Variants in NEMP2 observed in about 807,000 individuals in gnomAD.
The protein encoded by NEMP2 is nuclear envelope integral membrane protein 2.
A neutral mutation model predicts 54.2 loss-of-function variants in NEMP2; 53 were observed. The ratio of observed to expected loss-of-function variants is 0.98; its 90% CI spans 0.78 to 1.23. The LOEUF is 1.23. Among genes scored for constraint, NEMP2 ranks in the 50% most tolerant of loss-of-function variants. The pLI, the probability that NEMP2 is intolerant of heterozygous loss-of-function variation, is 0.00. For synonymous variants in NEMP2, 197 were observed against 190.3 expected (o/e 1.04, Z -0.29); for missense variants, 455 against 511.3 (o/e 0.89, Z 1.06).
At chr2:190,464,504 A>G in the NEMP2 span, among the ~76,000 whole-genome samples, 2 of 152,106 alleles carry the variant, frequency 1.3e-5, no homozygotes, top group Non-Finnish European at 2.9e-5. Flanking sequence ...TCTTTCTTCA[A>G]AAATCCTTAG....
In NEMP2 at chr2:190,506,670, T is replaced by C. The variant is rs1339426225; in HGVS notation, c.*2519A>G. 1 of 152,222 alleles carries C rather than the reference T, an allele frequency of 6.6e-6. No individual in the cohort carries two copies. The highest frequency in any genetic ancestry group is 1.9e-4 in the East Asian group (1 of 5,204). The allele number at this position is 152,222 out of a possible 1,614,324, so 9.4% of individuals were successfully genotyped here. On this transcript the variant is annotated 3_prime_UTR_variant, in exon 9 of 9. Transcript: ENST00000409150. This position sits in a 1 kb window ranked among gnomAD's most constrained non-coding sequence, Gnocchi z 6.3. ...ATTTTTTGTGATATGTAAAATGTGT[T>C]TTAAAACCTTTTAAAAATAACACTT...
the NEMP2 span, among the ~76,000 whole-genome samples, chr2:190,450,514 CAG>C: frequency 4.7e-4 from 22 of 46,610 alleles, no homozygotes; most frequent in Admixed American, 1.3e-3. Flanking sequence ...TTTTTTGAGA[CAG>C]GGGTCTCACT....
the NEMP2 span, among the ~76,000 whole-genome samples, chr2:190,433,699 A>G: frequency 4.6e-5 from 7 of 152,186 alleles, no homozygotes; most frequent in African/African-American, 1.2e-4. This position sits in a 1 kb window ranked among gnomAD's most constrained non-coding sequence, Gnocchi z 4.5. Context: ...GCTTTTGGGG[A>G]TAACAGATAA....
upstream of NEMP2, among the ~76,000 whole-genome samples, chr2:190,535,530 A>G (rs1286540313): frequency 6.6e-6 from 1 of 152,230 alleles, no homozygotes; most frequent in East Asian, 1.9e-4. Flanking sequence ...TTGACTCAAT[A>G]TTCCATACTT....
At chr2:190,469,933 C>A in the NEMP2 span, 1 of 1,003,258 alleles carries the variant, frequency 1.0e-6, no homozygotes, top group Non-Finnish European at 1.5e-6. The surrounding 1 kb of genome is among the most constrained non-coding windows in gnomAD (Gnocchi z 5.3). Flanking sequence ...CCTTCAGCAT[C>A]TGATTCTATA....
rs1195841903 is a variant in NEMP2, at chr2:190,508,283, C to G, written c.*906G>C. ...TCTTCAGAAACATTTCCCTTTATCACAGTTAAATAGCAAGTTGGCCATTAT... is the reference window on the plus strand; with the variant it reads ...TCTTCAGAAACATTTCCCTTTATCAGAGTTAAATAGCAAGTTGGCCATTAT... On this transcript the variant is annotated 3_prime_UTR_variant, in exon 9 of 9. Coordinates refer to ENST00000409150, the MANE Select transcript of NEMP2 (RefSeq NM_001142645.2). This position sits in a 1 kb window ranked among gnomAD's most constrained non-coding sequence, Gnocchi z 4.3. 2 of 152,162 alleles carry G rather than the reference C, an allele frequency of 1.3e-5. No homozygotes were observed. The highest frequency in any genetic ancestry group is 2.9e-5 in the Non-Finnish European group (2 of 68,032). The allele number at this position is 152,162 out of a possible 1,614,324, so 9.4% of individuals were successfully genotyped here. A position where few individuals can be genotyped will look rare whatever the true frequency, so the allele number is the denominator to read the frequency against.
In NEMP2 at chr2:190,508,213, G is replaced by A. The variant is rs1443422171; in HGVS notation, c.*976C>T. The A allele has an allele frequency of 3.3e-5, 5 of 152,110 alleles. No individual in the cohort carries two copies. Among genetic ancestry groups the A allele is most frequent in the Admixed American group, 1.3e-4 (2 of 15,276 alleles). 9.4% of individuals were successfully genotyped at this position (152,110 alleles called of 1,614,324 possible). A position where few individuals can be genotyped will look rare whatever the true frequency, so the allele number is the denominator to read the frequency against. On this transcript the variant is annotated 3_prime_UTR_variant, in exon 9 of 9. Transcript: ENST00000409150. This position sits in a 1 kb window ranked among gnomAD's most constrained non-coding sequence, Gnocchi z 4.3. ...AGTAATCATAGTATCTAATCCTTAC[G>A]TATGTATATAAAAATCTTACGTATG...
At chr2:190,469,886 C>A in the NEMP2 span, 1 of 1,493,366 alleles carries the variant, frequency 6.7e-7, no homozygotes, top group South Asian at 1.2e-5. This position sits in a 1 kb window ranked among gnomAD's most constrained non-coding sequence, Gnocchi z 5.3. Flanking sequence ...GAAATTATTT[C>A]TCTGCCTTCC....
At chr2:190,578,692 T>TG in the NEMP2 span, among the ~76,000 whole-genome samples, 2 of 151,674 alleles carry the variant, frequency 1.3e-5, no homozygotes, top group Non-Finnish European at 2.9e-5. The surrounding 1 kb of genome is among the most constrained non-coding windows in gnomAD (Gnocchi z 4.4). Context: ...GGCATGTGTG[T>TG]GTGCAGAATG....
At chr2:190,623,628 G>T in the NEMP2 span, among the ~76,000 whole-genome samples, 1 of 152,136 alleles carries the variant, frequency 6.6e-6, no homozygotes, top group Non-Finnish European at 1.5e-5. Flanking sequence ...GAAGAATGAA[G>T]CTAACCTCTA....
At chr2:190,504,294 G>A (rs1690135240), downstream of NEMP2, 2 of 152,180 alleles carry the variant, frequency 1.3e-5, no homozygotes, top group Non-Finnish European at 2.9e-5. The surrounding 1 kb of genome is among the most constrained non-coding windows in gnomAD (Gnocchi z 5.6). Flanking sequence ...GTGCAGCAAA[G>A]AGCCCGGGGC....
At chr2:190,497,503 C>A in the NEMP2 span, 1 of 1,614,188 alleles carries the variant, frequency 6.2e-7, no homozygotes, top group Non-Finnish European at 8.5e-7. This position sits in a 1 kb window ranked among gnomAD's most constrained non-coding sequence, Gnocchi z 5.2. Context: ...CAACCATCGA[C>A]TTGGTACAGC....
chr2:190,483,236 T>A, the NEMP2 span, among the ~76,000 whole-genome samples: 1 of 152,092 alleles, frequency 6.6e-6, no homozygotes, highest in Non-Finnish European at 1.5e-5. Flanking sequence ...ATGTTTGATA[T>A]TAACAACAAA....
At chr2:190,448,034 T>G in the NEMP2 span, among the ~76,000 whole-genome samples, 1 of 152,208 alleles carries the variant, frequency 6.6e-6, no homozygotes, top group Non-Finnish European at 1.5e-5. Flanking sequence ...TTCTTTCTCT[T>G]CCATCTTCAG....
downstream of NEMP2, among the ~76,000 whole-genome samples, chr2:190,499,397 TTGC>T (rs1214412328): frequency 4.6e-5 from 7 of 152,196 alleles, no homozygotes; most frequent in Non-Finnish European, 1.0e-4. This position sits in a 1 kb window ranked among gnomAD's most constrained non-coding sequence, Gnocchi z 6.0. Context: ...TTTATGGAAA[TTGC>T]TGCTGGTGAT....
chr2:190,527,813 T>C lies in NEMP2; in HGVS notation c.98-2435A>G, dbSNP rs2125341989. 6.6e-6 allele frequency among the ~76,000 whole-genome samples: 1 copy of C among 152,234 alleles called. No individual in the cohort carries two copies. Among genetic ancestry groups the C allele is most frequent in the Non-Finnish European group, 1.5e-5 (1 of 68,008 alleles). On this transcript the variant is annotated intron_variant, in intron 1 of 8. Coordinates refer to ENST00000409150, the MANE Select transcript of NEMP2 (RefSeq NM_001142645.2). This position sits in a 1 kb window ranked among gnomAD's most constrained non-coding sequence, Gnocchi z 4.0. ...ATTATCATAGGAGCGTGAACCTTAC[T>C]GTGAACTGAGCAACCTAGGGATCTA...
chr2:190,446,751 A>G, the NEMP2 span, among the ~76,000 whole-genome samples: 4 of 152,324 alleles, frequency 2.6e-5, no homozygotes, highest in African/African-American at 9.6e-5. Context: ...AAAACTACAT[A>G]CTGGTGGGAA....
the NEMP2 span, among the ~76,000 whole-genome samples, chr2:190,604,816 T>C: frequency 2.0e-5 from 3 of 152,212 alleles, no homozygotes; most frequent in African/African-American, 4.8e-5. The surrounding 1 kb of genome is among the most constrained non-coding windows in gnomAD (Gnocchi z 4.5). Flanking sequence ...TCATGCCTCC[T>C]GTATCATTTC....
At position 190,514,749 on chromosome 2, in the gene NEMP2, C is replaced by T; in HGVS notation, c.728-71G>A. On this transcript the variant is annotated intron_variant, in intron 6 of 8. Transcript: ENST00000409150. The surrounding 1 kb of genome is among the most constrained non-coding windows in gnomAD (Gnocchi z 5.7). Reference sequence around the variant, plus strand: ...CATTATGTGAAAAACCTGGCAGAGCCTTGACTTAAAGGTAAAAACTATTAG... The same window carrying T: ...CATTATGTGAAAAACCTGGCAGAGCTTTGACTTAAAGGTAAAAACTATTAG... 7.1e-7 allele frequency: 1 copy of T among 1,415,926 alleles called. No homozygotes were observed. The allele number at this position is 1,415,926 out of a possible 1,614,324, so 87.7% of individuals were successfully genotyped here.
Sources: allele counts gnomAD v4.1 joint callset (sites outside exome capture counted in the v4.1 genomes callset), GRCh38; gene constraint gnomAD v4.1.1; non-coding constraint Gnocchi (gnomAD v3.1); transcripts MANE v1.5; gene names NCBI Gene and HGNC (gene_info 2026-07-23, HGNC 2026-07-21).